The following GALNT13 variants were observed in gnomAD, a reference collection of about 807,000 sequenced individuals.
The protein encoded by GALNT13 is polypeptide N-acetylgalactosaminyltransferase 13.
GALNT13 carries 28 observed loss-of-function variants against 64.2 expected under a neutral mutation model. That is an observed-to-expected ratio of 0.44 (90% CI 0.32 to 0.60). The LOEUF (loss-of-function observed/expected upper bound fraction) is 0.60, where lower values mean the gene tolerates loss of function less well. Ranked by LOEUF, GALNT13 falls within the 20% of genes least tolerant of loss-of-function variation. The pLI, the probability that GALNT13 is intolerant of heterozygous loss-of-function variation, is 0.05. For missense variants in GALNT13, 577 were observed against 669.8 expected (o/e 0.86, Z 1.53); for synonymous variants, 214 against 224.6 (o/e 0.95, Z 0.42).
the GALNT13 span, among the ~76,000 whole-genome samples, chr2:153,301,919 T>C: frequency 6.8e-6 from 1 of 146,366 alleles, no homozygotes; most frequent in Non-Finnish European, 1.5e-5. Context: ...GTGTATAGTA[T>C]ATCACATTTT....
At chr2:153,535,527 T>A in the GALNT13 span, among the ~76,000 whole-genome samples, 1 of 151,188 alleles carries the variant, frequency 6.6e-6, no homozygotes, top group Non-Finnish European at 1.5e-5. Context: ...ATGACAAGTT[T>A]TTTTGGGGGC....
the GALNT13 span, among the ~76,000 whole-genome samples, chr2:153,403,755 C>A: frequency 6.6e-6 from 1 of 152,182 alleles, no homozygotes; most frequent in Admixed American, 6.5e-5. Flanking sequence ...CTTGCGCTTC[C>A]CAAGTGAGGC....
At chr2:153,966,448 C>T (rs1397325561) in intron 3 of GALNT13, among the ~76,000 whole-genome samples, 4 of 151,198 alleles carry the variant, frequency 2.6e-5, no homozygotes, top group Admixed American at 6.6e-5. Flanking sequence ...TCACTGCAAG[C>T]TCCGCCTGCC....
intron 3 of GALNT13, among the ~76,000 whole-genome samples, chr2:154,048,820 G>C (rs546205147): frequency 2.6e-5 from 4 of 152,204 alleles, no homozygotes; most frequent in South Asian, 4.1e-4. Context: ...AGAATTGGGA[G>C]TAGGAGGGAG....
intron 3 of GALNT13, among the ~76,000 whole-genome samples, chr2:154,022,858 C>A (rs952844208): frequency 6.6e-6 from 1 of 152,162 alleles, no homozygotes; most frequent in African/African-American, 2.4e-5. Context: ...CCTCTACACA[C>A]TGCTTTGAAT....
chr2:153,402,548 A>G, the GALNT13 span, among the ~76,000 whole-genome samples: 1 of 152,014 alleles, frequency 6.6e-6, no homozygotes, highest in Non-Finnish European at 1.5e-5. Context: ...CATTCTCCCC[A>G]TCACTTTCAG....
At chr2:153,914,398 T>C (rs1393873011) in intron 2 of GALNT13, among the ~76,000 whole-genome samples, 1 of 146,530 alleles carries the variant, frequency 6.8e-6, no homozygotes, top group African/African-American at 2.6e-5. Flanking sequence ...AGCAGGAGAA[T>C]CATATGAGCC....
chr2:153,471,303 A>G, the GALNT13 span, among the ~76,000 whole-genome samples: 162 of 152,312 alleles, frequency 1.1e-3, 1 homozygote, highest in African/African-American at 3.5e-3. Context: ...AGTCATGACT[A>G]TAATAGATAC....
the GALNT13 span, among the ~76,000 whole-genome samples, chr2:153,630,192 T>C: frequency 6.6e-6 from 1 of 151,948 alleles, no homozygotes; most frequent in African/African-American, 2.4e-5. Flanking sequence ...TAAAGACACA[T>C]GCACACGTAT....
At chr2:154,442,751 ATAAC>A (rs1701364087) in intron 12 of GALNT13, among the ~76,000 whole-genome samples, 1 of 152,078 alleles carries the variant, frequency 6.6e-6, no homozygotes, top group South Asian at 2.1e-4. Flanking sequence ...TTCTTTTTGA[ATAAC>A]TAGGCAGCTA....
At chr2:153,665,315 A>G in the GALNT13 span, among the ~76,000 whole-genome samples, 5 of 152,218 alleles carry the variant, frequency 3.3e-5, no homozygotes, top group African/African-American at 1.2e-4. Flanking sequence ...TCACCCACTA[A>G]GAAAGGAAGC....
the GALNT13 span, among the ~76,000 whole-genome samples, chr2:153,665,604 T>C: frequency 6.6e-6 from 1 of 152,098 alleles, no homozygotes; most frequent in African/African-American, 2.4e-5. Context: ...ATACCCATCA[T>C]TTAAAGATAA....
chr2:154,236,664 T>C (rs1020142523), intron 4 of GALNT13, among the ~76,000 whole-genome samples: 5 of 152,074 alleles, frequency 3.3e-5, no homozygotes, highest in Admixed American at 1.3e-4. Context: ...TTGATGAAAA[T>C]TGCTATTGCC....
At chr2:154,225,145 TGACA>T (rs1559035035) in intron 4 of GALNT13, among the ~76,000 whole-genome samples, 163 of 107,594 alleles carry the variant, frequency 1.5e-3, no homozygotes, top group East Asian at 3.7e-3. Flanking sequence ...GATAGATAGA[TGACA>T]GATAGATAGA....
intron 9 of GALNT13, among the ~76,000 whole-genome samples, chr2:154,364,886 G>GTCTTGAAC (rs2105295047): frequency 6.6e-6 from 1 of 152,272 alleles, no homozygotes; most frequent in African/African-American, 2.4e-5. Context: ...GGCTAAGCTG[G>GTCTTGAAC]TCTTGAACTC....
intron 4 of GALNT13, among the ~76,000 whole-genome samples, chr2:154,151,188 T>C (rs556755589): frequency 6.1e-4 from 93 of 152,208 alleles, no homozygotes; most frequent in Admixed American, 2.6e-3. Flanking sequence ...TCTTTATGTA[T>C]CCAGTAGTCA....
At chr2:153,590,688 G>A in the GALNT13 span, among the ~76,000 whole-genome samples, 1 of 152,046 alleles carries the variant, frequency 6.6e-6, no homozygotes, top group Non-Finnish European at 1.5e-5. Flanking sequence ...CAATAAATTT[G>A]GTACATACAT....
At chr2:154,379,188 G>T (rs923631632) in intron 9 of GALNT13, among the ~76,000 whole-genome samples, 2 of 151,832 alleles carry the variant, frequency 1.3e-5, no homozygotes, top group African/African-American at 4.8e-5. Context: ...TAGTAAAATG[G>T]TTAAAAATTT....
chr2:153,175,967 A>T, the GALNT13 span, among the ~76,000 whole-genome samples: 3 of 152,284 alleles, frequency 2.0e-5, no homozygotes, highest in South Asian at 6.2e-4. Context: ...TAAAATCTCC[A>T]CTAGTTTCAG....
Sources: allele counts gnomAD v4.1 joint callset (sites outside exome capture counted in the v4.1 genomes callset), GRCh38; gene constraint gnomAD v4.1.1; transcripts MANE v1.5; gene names NCBI Gene and HGNC (gene_info 2026-07-23, HGNC 2026-07-21).